Variants in LPAR3 observed in about 807,000 individuals in gnomAD.
The protein encoded by LPAR3 is lysophosphatidic acid receptor 3.
Under a neutral mutation model 17.8 loss-of-function variants are expected in LPAR3, and 7 were observed. That is an observed-to-expected ratio of 0.39 (90% CI 0.22 to 0.74). The LOEUF is 0.74. LPAR3 is among the 30% of genes least tolerant of loss of function. The pLI is 0.40. For synonymous variants in LPAR3, 179 were observed against 179.9 expected, an observed-to-expected ratio of 0.99 and a Z score of 0.04; for missense variants, 391 against 453.4, an observed-to-expected ratio of 0.86 and a Z score of 1.25.
At chr1:84,836,435 G>A (rs1659407411) in intron 2 of LPAR3, among the ~76,000 whole-genome samples, 1 of 150,640 alleles carries the variant, frequency 6.6e-6, no homozygotes. Context: ...ATAAATTCAT[G>A]TCTAATATAA....
intron 2 of LPAR3, among the ~76,000 whole-genome samples, chr1:84,848,248 T>C (rs1444816044): frequency 6.6e-6 from 1 of 152,204 alleles, no homozygotes; most frequent in Non-Finnish European, 1.5e-5. Context: ...CTTATATAGC[T>C]TCCTTCACCT....
intron 2 of LPAR3, among the ~76,000 whole-genome samples, chr1:84,828,020 A>G (rs1022774260): frequency 6.6e-6 from 1 of 152,164 alleles, no homozygotes; most frequent in Non-Finnish European, 1.5e-5. Flanking sequence ...GGTGGAGGGG[A>G]GGAGGGAGAA....
At chr1:84,862,229 C>T (rs2102763827) in intron 2 of LPAR3, among the ~76,000 whole-genome samples, 1 of 152,320 alleles carries the variant, frequency 6.6e-6, no homozygotes, top group South Asian at 2.1e-4. Context: ...ATATCTTCTC[C>T]AGCTCGAGGG....
At chr1:84,882,426 T>C (rs926522461) in intron 1 of LPAR3, among the ~76,000 whole-genome samples, 1 of 152,160 alleles carries the variant, frequency 6.6e-6, no homozygotes, top group Non-Finnish European at 1.5e-5. Context: ...AAGCAATCTA[T>C]AGATTCAATG....
intron 2 of LPAR3, among the ~76,000 whole-genome samples, chr1:84,842,112 A>C (rs1659515121): frequency 6.6e-6 from 1 of 152,218 alleles, no homozygotes; most frequent in South Asian, 2.1e-4. Context: ...ACCTAGTTCC[A>C]GGATGTTCCT....
At chr1:84,840,255 T>C (rs906313682) in intron 2 of LPAR3, among the ~76,000 whole-genome samples, 5 of 152,224 alleles carry the variant, frequency 3.3e-5, no homozygotes, top group Non-Finnish European at 7.3e-5. Flanking sequence ...TTAGTGTTAA[T>C]GAAGAAACCA....
chr1:84,860,034 TG>T (rs1243443332), intron 2 of LPAR3, among the ~76,000 whole-genome samples: 4 of 152,168 alleles, frequency 2.6e-5, no homozygotes. Flanking sequence ...ATGTCTCCGA[TG>T]TCTTTTCAAT....
At chr1:84,878,770 T>C (rs185740663) in intron 1 of LPAR3, among the ~76,000 whole-genome samples, 284 of 152,246 alleles carry the variant, frequency 1.9e-3, no homozygotes, top group African/African-American at 6.7e-3. Flanking sequence ...TAATGAAGCA[T>C]TGGCAAGTTG....
intron 2 of LPAR3, among the ~76,000 whole-genome samples, chr1:84,831,012 GC>G (rs1659272931): frequency 6.6e-6 from 1 of 152,142 alleles, no homozygotes; most frequent in Non-Finnish European, 1.5e-5. Context: ...ACTTAGGAAA[GC>G]CTATTTCACC....
At position 84,881,284 on chromosome 1, in the gene LPAR3, C is replaced by T. The variant is rs77202148; in HGVS notation, c.-19+11732G>A. Among the ~76,000 whole-genome samples, 898 of 152,194 alleles carry T rather than the reference C, an allele frequency of 5.9e-3. 11 individuals are homozygous for T. Among genetic ancestry groups the T allele is most frequent in the African/African-American group, 0.02 (846 of 41,528 alleles). The stretch of plus-strand genomic sequence containing the variant: ...CAGCTGGACCTGGGTCAGATGCAGG[C>T]GCATCACTTTTAGCAGTGGCTCTCA... On this transcript the variant is annotated intron_variant, in intron 1 of 2. Transcript: ENST00000370611.
At position 84,871,022 on chromosome 1, in the gene LPAR3, AAT is replaced by A. The variant is rs1225335656; in HGVS notation, c.-18-4886_-18-4885del. Among the ~76,000 whole-genome samples the A allele has an allele frequency of 1.1e-4, 17 of 152,294 alleles. No homozygotes were observed. In the East Asian group the frequency reaches 3.3e-3, roughly 29 times the overall value. ...AACCCTGAGAAGACACTTTTCTGAA[AAT>A]ATGTTTTCAACTTTTATGGTAAGTA... On this transcript the variant is annotated intron_variant, in intron 1 of 2. Coordinates refer to ENST00000370611, the MANE Select transcript of LPAR3 (RefSeq NM_012152.3).
At chr1:84,874,465 A>G (rs1038442731) in intron 1 of LPAR3, among the ~76,000 whole-genome samples, 3 of 152,208 alleles carry the variant, frequency 2.0e-5, no homozygotes, top group Admixed American at 6.5e-5. Context: ...TTAACAAACA[A>G]CTAGAATCAA....
intron 2 of LPAR3, among the ~76,000 whole-genome samples, chr1:84,819,155 A>G (rs989759661): frequency 6.6e-6 from 1 of 152,236 alleles, no homozygotes; most frequent in Non-Finnish European, 1.5e-5. Flanking sequence ...ACAATTTCAT[A>G]TAGAAAGGAC....
At chr1:84,827,721 A>G (rs1441611083) in intron 2 of LPAR3, among the ~76,000 whole-genome samples, 1 of 152,238 alleles carries the variant, frequency 6.6e-6, no homozygotes, top group Non-Finnish European at 1.5e-5. Flanking sequence ...AAGAACTGCA[A>G]CTAAATAAAG....
In LPAR3 at chr1:84,865,600, G is replaced by A; in HGVS notation, c.521C>T (p.Ser174Phe). 1 of 1,614,230 alleles carries A rather than the reference G, an allele frequency of 6.2e-7. No homozygotes were observed. Among genetic ancestry groups the A allele is most frequent in the Non-Finnish European group, 8.5e-7 (1 of 1,180,038 alleles). ...TLGWNCLCNI[S>F]ACSSLAPIYS... ...AATGGGGGCCAGGGAAGAGCAGGCA[G>A]AGATGTTGCAGAGGCAATTCCAGCC... is the stretch of plus-strand genomic sequence containing the variant. Residue 174 changes from serine to phenylalanine, a missense_variant, in exon 2 of 3, where the codon TCT becomes TTT. Transcript: ENST00000370611.
At chr1:84,831,628 G>T (rs941527909) in intron 2 of LPAR3, among the ~76,000 whole-genome samples, 1 of 151,688 alleles carries the variant, frequency 6.6e-6, no homozygotes, top group African/African-American at 2.4e-5. Flanking sequence ...AATAGTACAA[G>T]TAACTTTTTA....
intron 2 of LPAR3, among the ~76,000 whole-genome samples, chr1:84,835,979 G>C (rs980837521): frequency 7.6e-6 from 1 of 130,966 alleles, no homozygotes. Flanking sequence ...GGTGTTGTAT[G>C]AATATGAATG....
At chr1:84,825,567 T>C (rs1409841945) in intron 2 of LPAR3, among the ~76,000 whole-genome samples, 4 of 152,218 alleles carry the variant, frequency 2.6e-5, no homozygotes, top group Admixed American at 1.3e-4. Context: ...TAGGAGGCGA[T>C]GCAAAGGGGC....
At chr1:84,884,173 C>T (rs1660416474) in intron 1 of LPAR3, among the ~76,000 whole-genome samples, 1 of 152,202 alleles carries the variant, frequency 6.6e-6, no homozygotes, top group Admixed American at 6.5e-5. Context: ...AGGCTCTTAG[C>T]AAATCGGGTA....
Sources: gnomAD v4.1 joint callset for allele counts (sites outside exome capture counted in the v4.1 genomes callset) on GRCh38, gnomAD v4.1.1 for gene constraint, MANE v1.5 for transcripts, NCBI Gene and HGNC (gene_info 2026-07-23, HGNC 2026-07-21) for gene names.